The following ZNF804B variants were observed in gnomAD, a reference collection of about 807,000 sequenced individuals.
ZNF804B encodes zinc finger 804B.
In ZNF804B, 80 loss-of-function variants were observed where a neutral mutation model predicts 101.4. The observed-to-expected ratio is 0.79, with a 90% CI of 0.66 to 0.95. The LOEUF is 0.95. ZNF804B is among the 40% of genes least tolerant of loss of function. The probability of loss-of-function intolerance (pLI) is 0.00; values close to 1 mark genes in which losing one functional copy is unlikely to be tolerated. For missense variants in ZNF804B, 1,673 were observed against 1,561.9 expected, an observed-to-expected ratio of 1.07 and a Z score of -1.20; for synonymous variants, 622 against 558.8, an observed-to-expected ratio of 1.11 and a Z score of -1.59.
chr7:89,092,025 A>G (rs922433622), intron 1 of ZNF804B, among the ~76,000 whole-genome samples: 1 of 152,156 alleles, frequency 6.6e-6, no homozygotes, highest in Admixed American at 6.5e-5. Context: ...ATAACAAAAC[A>G]CTGTAGATTA....
At chr7:89,025,532 A>C (rs1355333907) in intron 1 of ZNF804B, among the ~76,000 whole-genome samples, 2 of 152,122 alleles carry the variant, frequency 1.3e-5, no homozygotes, top group Non-Finnish European at 2.9e-5. Flanking sequence ...CTGATACTAT[A>C]AACGTCCCAG....
chr7:89,191,082 G>C (rs554160328), intron 1 of ZNF804B, among the ~76,000 whole-genome samples: 1 of 151,928 alleles, frequency 6.6e-6, no homozygotes, highest in Non-Finnish European at 1.5e-5. Context: ...TTCTTCATAC[G>C]AATGAATTTT....
intron 1 of ZNF804B, among the ~76,000 whole-genome samples, chr7:88,843,251 T>C (rs1178245456): frequency 1.3e-5 from 2 of 152,184 alleles, no homozygotes; most frequent in East Asian, 3.9e-4. Context: ...TATTAGCTCA[T>C]TTATTCCTCA....
chr7:89,123,097 G>A (rs1790428246), intron 1 of ZNF804B, among the ~76,000 whole-genome samples: 2 of 151,588 alleles, frequency 1.3e-5, no homozygotes, highest in East Asian at 3.9e-4. Context: ...TCTCTTATGG[G>A]CAGGACAATG....
At chr7:89,311,101 G>C (rs1790644251) in intron 2 of ZNF804B, among the ~76,000 whole-genome samples, 1 of 152,008 alleles carries the variant, frequency 6.6e-6, no homozygotes, top group Non-Finnish European at 1.5e-5. Flanking sequence ...GTCCACACGT[G>C]ACTTGAAGCA....
intron 1 of ZNF804B, among the ~76,000 whole-genome samples, chr7:88,834,582 T>G (rs1342243757): frequency 6.6e-6 from 1 of 151,692 alleles, no homozygotes; most frequent in Non-Finnish European, 1.5e-5. Context: ...TTATAGATTA[T>G]CTTGATTGGC....
At chr7:89,107,444 C>T (rs1031503263) in intron 1 of ZNF804B, among the ~76,000 whole-genome samples, 3 of 152,080 alleles carry the variant, frequency 2.0e-5, no homozygotes, top group Non-Finnish European at 4.4e-5. Flanking sequence ...CCTATTTCAG[C>T]CACCAACACT....
At chr7:88,767,362 T>C (rs1790000744) in intron 1 of ZNF804B, among the ~76,000 whole-genome samples, 1 of 152,234 alleles carries the variant, frequency 6.6e-6, no homozygotes, top group South Asian at 2.1e-4. Flanking sequence ...ACTTGTCCTG[T>C]GTACTTCTCA....
At chr7:89,174,648 T>C (rs908436743) in intron 1 of ZNF804B, among the ~76,000 whole-genome samples, 1 of 152,026 alleles carries the variant, frequency 6.6e-6, no homozygotes, top group Admixed American at 6.6e-5. Flanking sequence ...GTAGTTCTAT[T>C]TTTGCTTTTT....
intron 1 of ZNF804B, among the ~76,000 whole-genome samples, chr7:88,901,748 G>A (rs555277550): frequency 6.6e-6 from 1 of 151,850 alleles, no homozygotes; most frequent in African/African-American, 2.4e-5. Context: ...GAATAAATTG[G>A]CCTCACGATA....
At chr7:89,145,468 A>T (rs1584013776) in intron 1 of ZNF804B, among the ~76,000 whole-genome samples, 1 of 152,040 alleles carries the variant, frequency 6.6e-6, no homozygotes, top group African/African-American at 2.4e-5. Context: ...TACATTTAAA[A>T]TTTACTTAAT....
intron 1 of ZNF804B, among the ~76,000 whole-genome samples, chr7:89,081,511 C>G (rs185813321): frequency 6.6e-6 from 1 of 151,614 alleles, no homozygotes; most frequent in East Asian, 1.9e-4. Flanking sequence ...CCATTATGAA[C>G]TAAGAATAAG....
At chr7:89,103,838 C>T (rs1279330856) in intron 1 of ZNF804B, among the ~76,000 whole-genome samples, 2 of 151,832 alleles carry the variant, frequency 1.3e-5, no homozygotes, top group African/African-American at 4.8e-5. Context: ...TCAACTGTTC[C>T]TCATTCAGTA....
At chr7:88,902,424 A>C (rs1792406423) in intron 1 of ZNF804B, among the ~76,000 whole-genome samples, 1 of 152,024 alleles carries the variant, frequency 6.6e-6, no homozygotes, top group Non-Finnish European at 1.5e-5. Flanking sequence ...AAGCACAATA[A>C]AAGAAAAATT....
At chr7:89,236,828 C>A (rs1051230589) in intron 2 of ZNF804B, among the ~76,000 whole-genome samples, 1 of 151,984 alleles carries the variant, frequency 6.6e-6, no homozygotes, top group Non-Finnish European at 1.5e-5. Flanking sequence ...ATTTTAGAAT[C>A]TGGAAGTCTT....
chr7:88,966,716 A>G (rs1793459496), intron 1 of ZNF804B, among the ~76,000 whole-genome samples: 1 of 151,174 alleles, frequency 6.6e-6, no homozygotes, highest in Admixed American at 6.6e-5. Context: ...CATGACTTTT[A>G]GAGTCATTTA....
At chr7:88,872,558 C>T (rs1335769854) in intron 1 of ZNF804B, among the ~76,000 whole-genome samples, 1 of 151,324 alleles carries the variant, frequency 6.6e-6, no homozygotes, top group Non-Finnish European at 1.5e-5. Flanking sequence ...CATGCTGGTG[C>T]ACTGCACCCA....
intron 2 of ZNF804B, among the ~76,000 whole-genome samples, chr7:89,296,981 T>C (rs1049384718): frequency 3.3e-5 from 5 of 152,082 alleles, no homozygotes; most frequent in African/African-American, 1.2e-4. Flanking sequence ...TTATAGTTTT[T>C]ATTGCTTTGC....
At chr7:88,852,128 T>C (rs10248351) in intron 1 of ZNF804B, among the ~76,000 whole-genome samples, 6,793 of 152,062 alleles carry the variant, frequency 0.045, 439 homozygotes, top group African/African-American at 0.14. Flanking sequence ...ATGCAAAAGT[T>C]AAAAACACAA....
Sources: gnomAD v4.1 joint callset for allele counts (sites outside exome capture counted in the v4.1 genomes callset) on GRCh38, gnomAD v4.1.1 for gene constraint, MANE v1.5 for transcripts, NCBI Gene and HGNC (gene_info 2026-07-23, HGNC 2026-07-21) for gene names.